Variants in TRIP12 observed in about 807,000 individuals in gnomAD.
TRIP12 encodes E3 ubiquitin-protein ligase TRIP12.
Under a neutral mutation model 244.2 loss-of-function variants are expected in TRIP12, and 25 were observed. The ratio of observed to expected loss-of-function variants is 0.10; its 90% CI spans 0.07 to 0.14. The LOEUF (loss-of-function observed/expected upper bound fraction) is 0.14. Among genes scored for constraint, TRIP12 ranks in the 10% least tolerant of loss-of-function variants. TRIP12 has a pLI of 1.00. For synonymous variants in TRIP12, 905 were observed against 873.1 expected, an observed-to-expected ratio of 1.04 and a Z score of -0.64; for missense variants, 1,677 against 2,486.4, an observed-to-expected ratio of 0.67 and a Z score of 6.92.
chr2:229,814,854 C>A (rs2154282108), intron 11 of TRIP12, among the ~76,000 whole-genome samples: 1 of 152,234 alleles, frequency 6.6e-6, no homozygotes, highest in East Asian at 1.9e-4. Flanking sequence ...TATTTTTAAT[C>A]AAGTACTTTA....
rs1006837417 is a variant in TRIP12 at position 229,763,988 on chromosome 2, C to G, written c.*3566G>C. ...GATAAAAGGAAAAAAATGCTTTACA[C>G]AGGAGATCAGCAATTGGTTATAGGT... On this transcript the variant is annotated 3_prime_UTR_variant, in exon 42 of 42. Coordinates refer to ENST00000675903, the MANE Select transcript of TRIP12 (RefSeq NM_001348323.3). 6.6e-6 allele frequency: 1 copy of G among 152,174 alleles called. No homozygotes were observed. Among genetic ancestry groups the G allele is most frequent in the Non-Finnish European group, 1.5e-5 (1 of 68,034 alleles). The allele number at this position is 152,174 out of a possible 1,614,324, so 9.4% of individuals were successfully genotyped here. A position where few individuals can be genotyped will look rare whatever the true frequency, so the allele number is the denominator to read the frequency against.
At chr2:229,851,721 T>G (rs773733644) in intron 4 of TRIP12, among the ~76,000 whole-genome samples, 7 of 151,228 alleles carry the variant, frequency 4.6e-5, no homozygotes, top group Non-Finnish European at 1.0e-4. Flanking sequence ...AAGGAACAAC[T>G]CCAGACGTGC....
At chr2:229,794,507 A>C (rs577458717) in intron 26 of TRIP12, among the ~76,000 whole-genome samples, 69 of 152,262 alleles carry the variant, frequency 4.5e-4, no homozygotes, top group African/African-American at 1.6e-3. Flanking sequence ...TCAAGGCTGC[A>C]GTGAGCCATG....
At chr2:229,811,088 A>T in intron 14 of TRIP12, 43 bp from the exon 15 acceptor site, 3 of 1,613,666 alleles carry the variant, frequency 1.9e-6, no homozygotes, top group Non-Finnish European at 2.5e-6. Flanking sequence ...ATCAAGATTC[A>T]GCAATTCAAC....
At chr2:229,816,011 T>C (rs2048406839) in intron 9 of TRIP12, among the ~76,000 whole-genome samples, 1 of 152,192 alleles carries the variant, frequency 6.6e-6, no homozygotes, top group Admixed American at 6.5e-5. Context: ...ATACACACTC[T>C]GTCCTCTCGA....
chr2:229,798,024 A>T (rs2043235829), intron 23 of TRIP12, among the ~76,000 whole-genome samples, 193 bp from the exon 24 acceptor site: 1 of 152,240 alleles, frequency 6.6e-6, no homozygotes, highest in South Asian at 2.1e-4. Context: ...AGAACTGTTT[A>T]AAAACTTAAA....
rs1255953519 is a variant in TRIP12 at position 229,803,869 on chromosome 2, AC to A, written c.2879+129del. The A allele has an allele frequency of 3.4e-6, 3 of 891,188 alleles. No individual in the cohort carries two copies. The East Asian group carries it at 8.0e-5, about 24-fold the overall frequency. The allele number at this position is 891,188 out of a possible 1,614,324, so 55.2% of individuals were successfully genotyped here. A position where few individuals can be genotyped will look rare whatever the true frequency, so the allele number is the denominator to read the frequency against. ...AAAGCTATTATGTGAATATAAATAGACAAAAAAGAGCTCAAGATACTCCTAA... is the reference window on the plus strand; with the variant it reads ...AAAGCTATTATGTGAATATAAATAGAAAAAAAGAGCTCAAGATACTCCTAA... On this transcript the variant is annotated intron_variant, in intron 19 of 41. Transcript: ENST00000675903.
intron 38 of TRIP12, among the ~76,000 whole-genome samples, chr2:229,772,638 A>G (rs2154236900): frequency 6.6e-6 from 1 of 152,048 alleles, no homozygotes; most frequent in Middle Eastern, 3.4e-3. Flanking sequence ...TAATTTTTGT[A>G]TTTTTAGTAG....
chr2:229,855,663 C>G (rs1365542841), intron 4 of TRIP12, among the ~76,000 whole-genome samples: 1 of 150,940 alleles, frequency 6.6e-6, no homozygotes, highest in Non-Finnish European at 1.5e-5. Flanking sequence ...ACACCTACTA[C>G]CCCCATCTTC....
At chr2:229,872,745 G>C (rs1161859990) in intron 2 of TRIP12, among the ~76,000 whole-genome samples, 2 of 152,146 alleles carry the variant, frequency 1.3e-5, no homozygotes, top group African/African-American at 2.4e-5. Flanking sequence ...GTTAAACTCT[G>C]CACCTTCTAC....
At chr2:229,908,174 A>G (rs992249894) in intron 1 of TRIP12, among the ~76,000 whole-genome samples, 1 of 152,198 alleles carries the variant, frequency 6.6e-6, no homozygotes, top group African/African-American at 2.4e-5. Flanking sequence ...GTTAGTTGCT[A>G]ATATTATTCA....
chr2:229,815,044 T>C lies in TRIP12; in HGVS notation c.1731+55A>G, dbSNP rs1373007777. On this transcript the variant is annotated intron_variant, in intron 11 of 41. Coordinates refer to ENST00000675903, the MANE Select transcript of TRIP12 (RefSeq NM_001348323.3). ...AAATGAAAGCTAAAATTCAAGAGTTTGAAACTTGACTCCCTATGCCTGCTT... is the reference window on the plus strand; with the variant it reads ...AAATGAAAGCTAAAATTCAAGAGTTCGAAACTTGACTCCCTATGCCTGCTT... 2.2e-6 allele frequency: 3 copies of C among 1,373,516 alleles called. No homozygotes were observed. In the African/African-American group the frequency reaches 4.4e-5, roughly 20 times the overall value. 85.1% of individuals were successfully genotyped at this position (1,373,516 alleles called of 1,614,324 possible). A position where few individuals can be genotyped will look rare whatever the true frequency, so the allele number is the denominator to read the frequency against.
At chr2:229,784,754 ATAAC>A (rs906613200) in intron 34 of TRIP12, among the ~76,000 whole-genome samples, 49 of 152,372 alleles carry the variant, frequency 3.2e-4, no homozygotes, top group African/African-American at 1.2e-3. Flanking sequence ...ATCCACTAGA[ATAAC>A]TAAAACAATA....
chr2:229,878,295 C>T (rs2064025794), intron 2 of TRIP12, among the ~76,000 whole-genome samples: 2 of 151,928 alleles, frequency 1.3e-5, no homozygotes, highest in Admixed American at 1.3e-4. Context: ...ACTAAAAATA[C>T]AGAAATTAGC....
chr2:229,803,517 A>C (rs2045029129), intron 20 of TRIP12, 54 bp downstream of exon 20: 1 of 1,186,782 alleles, frequency 8.4e-7, no homozygotes, highest in Admixed American at 2.2e-5. Context: ...TTAAAACTTT[A>C]TTTCTGTTGA....
chr2:229,860,501 T>C lies in TRIP12; in HGVS notation c.129A>G (p.Gly43=). Residue 43 remains glycine, a synonymous_variant, in exon 3 of 42, where the codon GGA becomes GGG. Coordinates refer to ENST00000675903, the MANE Select transcript of TRIP12 (RefSeq NM_001348323.3). ...ATTTTCTACTCTCAGGAGGGCTATA[T>C]CCCTTATGTTTTGCCTGCCCTAAAT... The part of the protein sequence containing the change: ...RSHLGQAKHK[G]YSPPESRKSN... The C allele has an allele frequency of 6.2e-7, 1 of 1,610,710 alleles. No individual in the cohort carries two copies. The highest frequency in any genetic ancestry group is 8.5e-7 in the Non-Finnish European group (1 of 1,178,672).
chr2:229,921,718 G>C (rs2076617915), intron 1 of TRIP12, 162 bp downstream of exon 1: 1 of 151,562 alleles, frequency 6.6e-6, no homozygotes, highest in African/African-American at 2.4e-5. Context: ...CCCCGCCGCC[G>C]CCGGCGCCGG....
At chr2:229,888,690 C>A (rs1306063067) in intron 1 of TRIP12, among the ~76,000 whole-genome samples, 1 of 152,162 alleles carries the variant, frequency 6.6e-6, no homozygotes, top group Non-Finnish European at 1.5e-5. Context: ...GTAGTCCCAG[C>A]TGCTCAGGAG....
chr2:229,917,092 A>G (rs2075563222), intron 1 of TRIP12, among the ~76,000 whole-genome samples: 1 of 152,122 alleles, frequency 6.6e-6, no homozygotes, highest in Admixed American at 6.5e-5. Flanking sequence ...AAGAATTACC[A>G]AGCACTGGCC....
Sources: gnomAD v4.1 joint callset for allele counts (sites outside exome capture counted in the v4.1 genomes callset) on GRCh38, gnomAD v4.1.1 for gene constraint, MANE v1.5 for transcripts, NCBI Gene and HGNC (gene_info 2026-07-23, HGNC 2026-07-21) for gene names.